ZC2HC1A: variants seen among roughly 807,000 people sequenced by gnomAD.
The protein encoded by ZC2HC1A is zinc finger C2HC domain-containing protein 1A.
A neutral mutation model predicts 40.7 loss-of-function variants in ZC2HC1A; 28 were observed. That is an observed-to-expected ratio of 0.69 (90% CI 0.51 to 0.94). The LOEUF is 0.94. Ranked by LOEUF, ZC2HC1A falls within the 40% of genes least tolerant of loss-of-function variation. The pLI, the probability that ZC2HC1A is intolerant of heterozygous loss-of-function variation, is 0.00. For missense variants in ZC2HC1A, 389 were observed against 386.3 expected, an observed-to-expected ratio of 1.01 and a Z score of -0.06; for synonymous variants, 129 against 129.2, an observed-to-expected ratio of 1.00 and a Z score of 0.01.
chr8:78,680,197 A>G (rs769306948), intron 3 of ZC2HC1A, among the ~76,000 whole-genome samples: 2 of 148,620 alleles, frequency 1.3e-5, no homozygotes, highest in Non-Finnish European at 3.0e-5. Flanking sequence ...TTTATAAGGA[A>G]TTGGGGTTGT....
At chr8:78,687,913 A>ATT (rs34974282) in intron 4 of ZC2HC1A, among the ~76,000 whole-genome samples, 2 of 11,570 alleles carry the variant, frequency 1.7e-4, no homozygotes, top group Non-Finnish European at 3.9e-4. Flanking sequence ...ATTTATATAA[A>ATT]TATATAATTA....
At position 78,668,670 on chromosome 8, in the gene ZC2HC1A, C is replaced by T. The variant is rs575294219; in HGVS notation, c.16+2506C>T. ...TACTTTGAAATGAAATATAAGTTATCTGTTTTTGTAGAATCAATATCTGAG... is the reference window on the plus strand; with the variant it reads ...TACTTTGAAATGAAATATAAGTTATTTGTTTTTGTAGAATCAATATCTGAG... On this transcript the variant is annotated intron_variant, in intron 1 of 8. Coordinates refer to ENST00000263849, the MANE Select transcript of ZC2HC1A (RefSeq NM_016010.3). 9.9e-5 allele frequency among the ~76,000 whole-genome samples: 15 copies of T among 152,262 alleles called. No individual in the cohort carries two copies. In the East Asian group the frequency reaches 2.9e-3, roughly 29 times the overall value.
chr8:78,669,746 C>G (rs538417466), intron 1 of ZC2HC1A, among the ~76,000 whole-genome samples: 1 of 152,296 alleles, frequency 6.6e-6, no homozygotes, highest in South Asian at 2.1e-4. Flanking sequence ...TCTCCCCTTA[C>G]TTTGTTCTAC....
At chr8:78,716,327 G>A (rs1811101453) in intron 8 of ZC2HC1A, among the ~76,000 whole-genome samples, 1 of 151,638 alleles carries the variant, frequency 6.6e-6, no homozygotes, top group African/African-American at 2.4e-5. Context: ...GTTTCACCAT[G>A]TTAGCCACGA....
At chr8:78,694,744 G>A (rs1371395838) in intron 5 of ZC2HC1A, among the ~76,000 whole-genome samples, 4 of 152,072 alleles carry the variant, frequency 2.6e-5, no homozygotes, top group Non-Finnish European at 4.4e-5. Flanking sequence ...AATTTCATTA[G>A]TCATTAGTCT....
At chr8:78,700,543 C>G (rs1810565975) in intron 7 of ZC2HC1A, among the ~76,000 whole-genome samples, 1 of 152,110 alleles carries the variant, frequency 6.6e-6, no homozygotes, top group Admixed American at 6.6e-5. Flanking sequence ...GTTTTTGTTG[C>G]AATTGCTTTT....
intron 4 of ZC2HC1A, among the ~76,000 whole-genome samples, chr8:78,687,829 G>C (rs1329699524): frequency 9.0e-6 from 1 of 110,824 alleles, no homozygotes; most frequent in Non-Finnish European, 1.8e-5. Flanking sequence ...ATATATTCAT[G>C]TAATAAATTA....
intron 7 of ZC2HC1A, among the ~76,000 whole-genome samples, chr8:78,709,212 T>C (rs908607980): frequency 2.6e-5 from 4 of 152,036 alleles, no homozygotes; most frequent in African/African-American, 9.7e-5. Flanking sequence ...CACCTAAAAT[T>C]AGAGCAACCA....
chr8:78,681,959 G>A (rs1023557663), intron 3 of ZC2HC1A, among the ~76,000 whole-genome samples: 3 of 140,056 alleles, frequency 2.1e-5, no homozygotes, highest in African/African-American at 8.1e-5. Context: ...CCAGGCTGGT[G>A]TTGAACTCCT....
intron 7 of ZC2HC1A, among the ~76,000 whole-genome samples, chr8:78,710,928 C>A (rs1810931997): frequency 6.6e-6 from 1 of 152,038 alleles, no homozygotes; most frequent in African/African-American, 2.4e-5. Flanking sequence ...AAATGTGTCC[C>A]TCCTCTTAGA....
intron 2 of ZC2HC1A, chr8:78,676,075 G>T: frequency 5.9e-6 from 2 of 338,378 alleles, no homozygotes; most frequent in Non-Finnish European, 5.3e-6. Flanking sequence ...TTCTGTTAAA[G>T]TTTAAAGGTA....
intron 7 of ZC2HC1A, among the ~76,000 whole-genome samples, chr8:78,714,980 T>C (rs1811055075): frequency 6.6e-6 from 1 of 152,216 alleles, no homozygotes; most frequent in African/African-American, 2.4e-5. Flanking sequence ...ATGTAAAGCA[T>C]ATATACATAT....
chr8:78,675,673 A>C (rs1809556270), intron 1 of ZC2HC1A, 114 bp from the exon 2 acceptor site: 5 of 974,022 alleles, frequency 5.1e-6, no homozygotes, highest in Non-Finnish European at 6.0e-6. Flanking sequence ...ATGCAGTAAA[A>C]CATTTTTCAC....
rs1811151083 is a variant in ZC2HC1A at position 78,717,735 on chromosome 8, T to C, written c.*242T>C. 3 of 285,826 alleles carry C rather than the reference T, an allele frequency of 1.0e-5. No individual in the cohort carries two copies. The South Asian group carries it at 3.6e-4, about 34-fold the overall frequency. 17.7% of individuals were successfully genotyped at this position (285,826 alleles called of 1,614,324 possible). ...ATTCAAGGAAATATTCACTTATCTGTCAGAAAATAATTTCAAATGGAACAA... is the reference window on the plus strand; with the variant it reads ...ATTCAAGGAAATATTCACTTATCTGCCAGAAAATAATTTCAAATGGAACAA... On this transcript the variant is annotated 3_prime_UTR_variant, in exon 9 of 9. Transcript: ENST00000263849.
intron 5 of ZC2HC1A, among the ~76,000 whole-genome samples, chr8:78,696,790 C>T (rs370067121): frequency 7.9e-5 from 12 of 152,128 alleles, no homozygotes; most frequent in South Asian, 2.1e-4. Flanking sequence ...GGTCATCTTA[C>T]GGTTTTTATC....
At position 78,698,423 on chromosome 8, in the gene ZC2HC1A, C is replaced by T. The variant is rs752530643; in HGVS notation, c.614C>T (p.Ser205Leu). The change falls in exon 7 of 9, where the codon TCA becomes TTA. Residue 205 changes from serine to leucine, a missense_variant. Transcript: ENST00000263849. The stretch of plus-strand genomic sequence containing the variant: ...GCTTTTTTATTATAAGGTGTTCCTT[C>T]AGGTAAAGTGTCTTCAAGTAGCAGC... ...GAGKTVVGVP[S>L]GKVSSSSSSL... The T allele has an allele frequency of 1.9e-6, 3 of 1,610,922 alleles. No homozygotes were observed. Among genetic ancestry groups the T allele is most frequent in the Non-Finnish European group, 2.5e-6 (3 of 1,178,640 alleles).
intron 7 of ZC2HC1A, among the ~76,000 whole-genome samples, chr8:78,701,286 C>G (rs1223809629): frequency 6.6e-6 from 1 of 152,164 alleles, no homozygotes; most frequent in African/African-American, 2.4e-5. Context: ...TGATTTGGCT[C>G]TCTGCTTAGC....
At chr8:78,682,451 A>ATGG (rs1809818182) in intron 3 of ZC2HC1A, among the ~76,000 whole-genome samples, 2 of 152,164 alleles carry the variant, frequency 1.3e-5, no homozygotes, top group Non-Finnish European at 1.5e-5. Flanking sequence ...CACATCTTAC[A>ATGG]TGGCGGCAGA....
At position 78,698,531 on chromosome 8, in the gene ZC2HC1A, A is replaced by G. The variant is rs1810506029; in HGVS notation, c.704+18A>G. 3.3e-6 allele frequency: 5 copies of G among 1,533,906 alleles called. No homozygotes were observed. The South Asian group carries it at 4.7e-5, about 15-fold the overall frequency. ...CATGCAGGGTAAGTCTACACTGGAT[A>G]TAATTATTAGTGGTATATAATTAAA... On this transcript the variant is annotated intron_variant, in intron 7 of 8. Coordinates refer to ENST00000263849, the MANE Select transcript of ZC2HC1A (RefSeq NM_016010.3).
Sources: gnomAD v4.1 joint callset for allele counts (sites outside exome capture counted in the v4.1 genomes callset) on GRCh38, gnomAD v4.1.1 for gene constraint, MANE v1.5 for transcripts, NCBI Gene and HGNC (gene_info 2026-07-23, HGNC 2026-07-21) for gene names.